NAV2: variants seen among roughly 807,000 people sequenced by gnomAD.
The protein encoded by NAV2 is neuron navigator 2.
A neutral mutation model predicts 223.2 loss-of-function variants in NAV2; 54 were observed. The ratio of observed to expected loss-of-function variants is 0.24; its 90% CI spans 0.19 to 0.30. NAV2 has a LOEUF of 0.30. Ranked by LOEUF, NAV2 falls within the 10% of genes least tolerant of loss-of-function variation. NAV2 has a pLI of 1.00. For synonymous variants in NAV2, 1,279 were observed against 1,239.3 expected, an observed-to-expected ratio of 1.03 and a Z score of -0.67; for missense variants, 2,806 against 3,147.5, an observed-to-expected ratio of 0.89 and a Z score of 2.60.
intron 1 of NAV2, among the ~76,000 whole-genome samples, chr11:19,533,832 A>G (rs1379081467): frequency 1.4e-5 from 2 of 140,302 alleles, no homozygotes; most frequent in Non-Finnish European, 3.0e-5. Flanking sequence ...TCAGCCTCCC[A>G]AGTAGCTGGG....
chr11:19,628,877 C>T (rs766864205), intron 1 of NAV2, among the ~76,000 whole-genome samples: 1 of 152,194 alleles, frequency 6.6e-6, no homozygotes, highest in Non-Finnish European at 1.5e-5. Context: ...ATCCCAGCTA[C>T]TCTGAGAGGC....
At chr11:20,021,903 C>G (rs1021807268) in intron 11 of NAV2, among the ~76,000 whole-genome samples, 9 of 152,164 alleles carry the variant, frequency 5.9e-5, no homozygotes, top group Admixed American at 3.3e-4. Context: ...AGAGGAATGG[C>G]TCTTCATTCC....
chr11:19,542,592 A>G (rs16936952), intron 1 of NAV2, among the ~76,000 whole-genome samples: 25,546 of 152,194 alleles, frequency 0.17, 3,002 homozygotes, highest in African/African-American at 0.33. Context: ...CAAGTCATGA[A>G]GTAGATTTTA....
intron 36 of NAV2, among the ~76,000 whole-genome samples, chr11:20,112,187 A>T (rs529749397): frequency 5.9e-5 from 9 of 152,174 alleles, no homozygotes. Context: ...CCACTTTTGC[A>T]TTCTCTTCTG....
At chr11:19,570,977 T>G (rs965912949) in intron 1 of NAV2, among the ~76,000 whole-genome samples, 1 of 152,244 alleles carries the variant, frequency 6.6e-6, no homozygotes. Context: ...TTAAAAAATG[T>G]GGTCATGAAT....
chr11:19,677,082 T>C (rs1227722693), intron 1 of NAV2, among the ~76,000 whole-genome samples: 1 of 152,180 alleles, frequency 6.6e-6, no homozygotes, highest in Non-Finnish European at 1.5e-5. Flanking sequence ...CCTTGTGAAG[T>C]GGAGAACTCC....
intron 1 of NAV2, among the ~76,000 whole-genome samples, chr11:19,568,612 G>A (rs548826032): frequency 1.3e-5 from 2 of 152,198 alleles, no homozygotes; most frequent in African/African-American, 4.8e-5. Flanking sequence ...TCACAGACTT[G>A]ATCTCATTGA....
chr11:19,481,007 G>A (rs112573993), intron 1 of NAV2, among the ~76,000 whole-genome samples: 26 of 152,320 alleles, frequency 1.7e-4, no homozygotes, highest in African/African-American at 4.8e-4. Flanking sequence ...GATGGCCTTC[G>A]TGAGACATCA....
In NAV2 at chr11:19,777,922, G is replaced by A. The variant is rs552604990; in HGVS notation, c.268-54562G>A. On this transcript the variant is annotated intron_variant, in intron 1 of 37. Coordinates refer to ENST00000349880, the MANE Select transcript of NAV2 (RefSeq NM_145117.5). ...CCATTGTGTCTTGATACTTTGGGGT[G>A]CACATGGCTATTGATCTCTACTGCG... is the stretch of plus-strand genomic sequence containing the variant. 6.6e-5 allele frequency: 30 copies of A among 455,952 alleles called. No homozygotes were observed. In the East Asian group the frequency reaches 2.1e-3, roughly 32 times the overall value. 28.2% of individuals were successfully genotyped at this position (455,952 alleles called of 1,614,324 possible). A position where few individuals can be genotyped will look rare whatever the true frequency, so the allele number is the denominator to read the frequency against.
intron 1 of NAV2, among the ~76,000 whole-genome samples, chr11:19,495,184 A>C (rs1460171016): frequency 1.3e-5 from 2 of 152,150 alleles, no homozygotes; most frequent in South Asian, 2.1e-4. Flanking sequence ...CCCTTGGAAA[A>C]GCTCTTTTCA....
intron 1 of NAV2, among the ~76,000 whole-genome samples, chr11:19,424,569 G>A (rs532789300): frequency 7.2e-5 from 11 of 152,198 alleles, no homozygotes; most frequent in Admixed American, 4.6e-4. Flanking sequence ...TGTTTGTTTC[G>A]AGACGGAGTC....
intron 1 of NAV2, among the ~76,000 whole-genome samples, chr11:19,465,905 G>C (rs1428244745): frequency 6.6e-6 from 1 of 152,202 alleles, no homozygotes; most frequent in Non-Finnish European, 1.5e-5. Flanking sequence ...GCTCAGAAGG[G>C]AATCAGTAGA....
At chr11:19,976,855 A>T (rs1163689392) in intron 10 of NAV2, among the ~76,000 whole-genome samples, 2 of 152,196 alleles carry the variant, frequency 1.3e-5, no homozygotes, top group Admixed American at 1.3e-4. Flanking sequence ...TGGTCACGTC[A>T]TCCTATGCTC....
chr11:19,793,218 A>G lies in NAV2; in HGVS notation c.268-39266A>G, dbSNP rs554532728. ...TGACACTCTGTCTCAAAAAAAAAAA[A>G]AAAAAAAAAAAGAAAGAAAGAAAGA... On this transcript the variant is annotated intron_variant, in intron 1 of 37. Coordinates refer to ENST00000349880, the MANE Select transcript of NAV2 (RefSeq NM_145117.5). Among the ~76,000 whole-genome samples the G allele has an allele frequency of 2.7e-4, 39 of 146,336 alleles. No homozygotes were observed. In the South Asian group the frequency reaches 8.4e-3, roughly 32 times the overall value.
chr11:20,040,669 T>A (rs2056832867), intron 12 of NAV2, among the ~76,000 whole-genome samples: 1 of 152,152 alleles, frequency 6.6e-6, no homozygotes, highest in Non-Finnish European at 1.5e-5. Context: ...CATGTGGATA[T>A]CGAATGACTA....
In NAV2 at chr11:20,120,825, T is replaced by C. The variant is rs1027490924; in HGVS notation, c.*2567T>C. ...TTTCTTATTTTGGTCATATTTTTACTTTAGTGTCACTCACCTTTTACAAAG... is the reference window on the plus strand; with the variant it reads ...TTTCTTATTTTGGTCATATTTTTACCTTAGTGTCACTCACCTTTTACAAAG... On this transcript the variant is annotated 3_prime_UTR_variant, in exon 38 of 38. Coordinates refer to ENST00000349880, the MANE Select transcript of NAV2 (RefSeq NM_145117.5). 3 of 150,904 alleles carry C rather than the reference T, an allele frequency of 2.0e-5. No individual in the cohort carries two copies. The South Asian group carries it at 6.2e-4, about 31-fold the overall frequency. 9.3% of individuals were successfully genotyped at this position (150,904 alleles called of 1,614,324 possible). A position where few individuals can be genotyped will look rare whatever the true frequency, so the allele number is the denominator to read the frequency against.
chr11:19,585,057 G>C (rs1004001780), intron 1 of NAV2, among the ~76,000 whole-genome samples: 1 of 152,116 alleles, frequency 6.6e-6, no homozygotes, highest in Non-Finnish European at 1.5e-5. Flanking sequence ...ATGAATCTGG[G>C]TGCTCCTATA....
At chr11:19,605,768 C>A (rs1291583655) in intron 1 of NAV2, among the ~76,000 whole-genome samples, 2 of 152,290 alleles carry the variant, frequency 1.3e-5, no homozygotes, top group East Asian at 1.9e-4. Context: ...AAGCTCCCTG[C>A]AAAATGGGTC....
At chr11:19,621,840 G>A (rs1370269915) in intron 1 of NAV2, among the ~76,000 whole-genome samples, 1 of 152,082 alleles carries the variant, frequency 6.6e-6, no homozygotes, top group Non-Finnish European at 1.5e-5. Context: ...TCTTTTCATT[G>A]TGATGGTAGG....
Sources: allele counts gnomAD v4.1 joint callset (sites outside exome capture counted in the v4.1 genomes callset), GRCh38; gene constraint gnomAD v4.1.1; transcripts MANE v1.5; gene names NCBI Gene and HGNC (gene_info 2026-07-23, HGNC 2026-07-21).